Variants in ZCCHC10 observed in about 807,000 individuals in gnomAD.
ZCCHC10 encodes zinc finger CCHC domain-containing protein 10.
Under a neutral mutation model 19.5 loss-of-function variants are expected in ZCCHC10, and 16 were observed. The observed-to-expected ratio is 0.82, with a 90% CI of 0.56 to 1.25. The LOEUF (loss-of-function observed/expected upper bound fraction) is 1.25. Among genes scored for constraint, ZCCHC10 ranks in the 50% most tolerant of loss-of-function variants. ZCCHC10 has a pLI of 0.00. For missense variants in ZCCHC10, 197 were observed against 201.0 expected, an observed-to-expected ratio of 0.98 and a Z score of 0.12; for synonymous variants, 67 against 72.5, an observed-to-expected ratio of 0.92 and a Z score of 0.38.
intron 3 of ZCCHC10, among the ~76,000 whole-genome samples, chr5:133,001,220 T>C (rs898004764): frequency 1.3e-5 from 2 of 151,470 alleles, no homozygotes; most frequent in Non-Finnish European, 2.9e-5. Context: ...AAACCCTGTC[T>C]CTACTAAAAA....
At chr5:133,022,761 A>AT (rs895087420) in intron 2 of ZCCHC10, 80 bp downstream of exon 2, 1 of 435,878 alleles carries the variant, frequency 2.3e-6, no homozygotes, top group African/African-American at 2.0e-5. Context: ...CTTGTTCAAC[A>AT]TTTTTATAAA....
intron 2 of ZCCHC10, among the ~76,000 whole-genome samples, chr5:133,022,222 T>C (rs1764359834): frequency 6.6e-6 from 1 of 152,218 alleles, no homozygotes; most frequent in Admixed American, 6.6e-5. Context: ...AGCTGTTTTC[T>C]ATTAAAATTT....
intron 3 of ZCCHC10, among the ~76,000 whole-genome samples, chr5:133,006,245 A>G (rs1244666691): frequency 6.6e-6 from 1 of 152,062 alleles, no homozygotes; most frequent in East Asian, 1.9e-4. Context: ...CACCCCGCCC[A>G]GCCAATTCTT....
At chr5:133,009,803 G>A (rs1299787397) in intron 2 of ZCCHC10, among the ~76,000 whole-genome samples, 5 of 151,854 alleles carry the variant, frequency 3.3e-5, no homozygotes, top group Non-Finnish European at 7.4e-5. Context: ...ATAAACCCAA[G>A]TTCTTAGAAA....
intron 2 of ZCCHC10, chr5:133,019,322 T>A (rs1369048863): frequency 4.4e-6 from 1 of 229,074 alleles, no homozygotes; most frequent in Admixed American, 5.6e-5. Context: ...TAATTTTCCA[T>A]AAAGATTGCT....
intron 1 of ZCCHC10, among the ~76,000 whole-genome samples, chr5:133,026,076 T>C (rs1262947897): frequency 6.6e-6 from 1 of 152,060 alleles, no homozygotes; most frequent in African/African-American, 2.4e-5. Context: ...GGCGCTAGAA[T>C]AAGGAAGTAG....
At chr5:133,008,059 A>G (rs917640360) in intron 2 of ZCCHC10, among the ~76,000 whole-genome samples, 6 of 151,372 alleles carry the variant, frequency 4.0e-5, no homozygotes, top group African/African-American at 1.5e-4. Flanking sequence ...CCCTGTCTCT[A>G]CTAAAAATAT....
Position 132,998,439 on chromosome 5 carries a change from C to A in ZCCHC10, c.*144G>T, listed in dbSNP as rs1762555001. ...TAAGCCATTATTAATATTCTCTATG[C>A]TCTTACAATGTAAAACATTTAGAAA... On this transcript the variant is annotated 3_prime_UTR_variant, in exon 5 of 5. Coordinates refer to ENST00000509437, the MANE Select transcript of ZCCHC10 (RefSeq NM_001300816.3). 1.5e-6 allele frequency: 1 copy of A among 683,652 alleles called. No homozygotes were observed. Among genetic ancestry groups the A allele is most frequent in the Admixed American group, 2.9e-5 (1 of 34,124 alleles). The allele number at this position is 683,652 out of a possible 1,614,324, so 42.3% of individuals were successfully genotyped here.
In ZCCHC10 at chr5:133,026,423, T is replaced by C. The variant is rs553566936; in HGVS notation, c.41+74A>G. The stretch of plus-strand genomic sequence containing the variant: ...CATTCTCCGCCGGTCCCAATAGGGG[T>C]CCGACACCAGCCCGTTGACGCGCGT... On this transcript the variant is annotated intron_variant, in intron 1 of 4. Coordinates refer to ENST00000509437, the MANE Select transcript of ZCCHC10 (RefSeq NM_001300816.3). 2.2e-5 allele frequency: 35 copies of C among 1,568,588 alleles called. No individual in the cohort carries two copies. In the East Asian group the frequency reaches 7.5e-4, roughly 34 times the overall value.
chr5:133,003,957 A>C (rs959394564), intron 3 of ZCCHC10, among the ~76,000 whole-genome samples: 1 of 150,134 alleles, frequency 6.7e-6, no homozygotes, highest in African/African-American at 2.5e-5. Flanking sequence ...TGATCCACCC[A>C]CCTCGGCCTC....
At chr5:133,026,144 T>A (rs989813613) in intron 1 of ZCCHC10, among the ~76,000 whole-genome samples, 4 of 152,114 alleles carry the variant, frequency 2.6e-5, no homozygotes, top group African/African-American at 9.7e-5. Flanking sequence ...TCGGCTGGAA[T>A]AAAGGTGTCG....
At chr5:133,007,559 AC>A (rs1452098597) in intron 2 of ZCCHC10, among the ~76,000 whole-genome samples, 2 of 144,748 alleles carry the variant, frequency 1.4e-5, no homozygotes, top group African/African-American at 5.3e-5. Context: ...AAAAAAAAAA[AC>A]AAAAAACCAC....
Position 132,998,479 on chromosome 5 carries a change from A to C in ZCCHC10, c.*104T>G. 1.0e-6 allele frequency: 1 copy of C among 981,224 alleles called. No homozygotes were observed. Among genetic ancestry groups the C allele is most frequent in the Non-Finnish European group, 1.5e-6 (1 of 674,818 alleles). 60.8% of individuals were successfully genotyped at this position (981,224 alleles called of 1,614,324 possible). The stretch of plus-strand genomic sequence containing the variant: ...ACATTTAGAAACTTTTGAATTCTAG[A>C]AATGTTCACCAGTTAACCTACTTGG... On this transcript the variant is annotated 3_prime_UTR_variant, in exon 5 of 5. Transcript: ENST00000509437.
intron 2 of ZCCHC10, among the ~76,000 whole-genome samples, chr5:133,019,867 G>C (rs1433285308): frequency 6.7e-6 from 1 of 150,348 alleles, no homozygotes; most frequent in African/African-American, 2.5e-5. Context: ...CAGGAGAATT[G>C]CTTGAATCCC....
At chr5:133,026,361 A>G (rs890119106) in intron 1 of ZCCHC10, 136 bp downstream of exon 1, 56 of 1,273,928 alleles carry the variant, frequency 4.4e-5, no homozygotes, top group Non-Finnish European at 6.0e-5. Flanking sequence ...CCCGGGCCCG[A>G]GCCCCCCGGG....
chr5:133,013,062 A>T (rs200584166), intron 2 of ZCCHC10, among the ~76,000 whole-genome samples: 54 of 65,192 alleles, frequency 8.3e-4, no homozygotes, highest in African/African-American at 2.2e-3. Context: ...AAAAAAAATT[A>T]AAAAAAAAAA....
intron 3 of ZCCHC10, 57 bp downstream of exon 3, chr5:133,006,699 TTAA>T: frequency 6.8e-7 from 1 of 1,474,592 alleles, no homozygotes. Context: ...GTTTGGTCCT[TTAA>T]TAAATTCTAT....
intron 2 of ZCCHC10, among the ~76,000 whole-genome samples, chr5:133,014,495 C>A (rs1207877820): frequency 1.3e-5 from 2 of 152,148 alleles, no homozygotes; most frequent in African/African-American, 4.8e-5. Context: ...ACCTAAGTTG[C>A]ATCAAATGTC....
chr5:133,005,307 T>C (rs1763045892), intron 3 of ZCCHC10, among the ~76,000 whole-genome samples: 2 of 146,670 alleles, frequency 1.4e-5, no homozygotes. Flanking sequence ...AAAAAAAAAT[T>C]TTTTACTCTA....
Sources: gnomAD v4.1 joint callset for allele counts (sites outside exome capture counted in the v4.1 genomes callset) on GRCh38, gnomAD v4.1.1 for gene constraint, MANE v1.5 for transcripts, NCBI Gene and HGNC (gene_info 2026-07-23, HGNC 2026-07-21) for gene names.